Variants in DPP6 observed in about 807,000 individuals in gnomAD.
The protein encoded by DPP6 is A-type potassium channel modulatory protein DPP6.
A neutral mutation model predicts 122.6 loss-of-function variants in DPP6; 69 were observed. The ratio of observed to expected loss-of-function variants is 0.56; its 90% CI spans 0.46 to 0.69. DPP6 has a LOEUF of 0.69. Among genes scored for constraint, DPP6 ranks in the 30% least tolerant of loss-of-function variants. The pLI is 0.00. For missense variants in DPP6, 928 were observed against 1,116.9 expected, an observed-to-expected ratio of 0.83 and a Z score of 2.41; for synonymous variants, 418 against 433.1, an observed-to-expected ratio of 0.97 and a Z score of 0.43.
At chr7:154,198,319 A>T (rs201204124) in intron 1 of DPP6, among the ~76,000 whole-genome samples, 3 of 126,510 alleles carry the variant, frequency 2.4e-5, no homozygotes, top group African/African-American at 5.7e-5. Context: ...TTTTATTATT[A>T]TTTTTTTTTT....
chr7:154,063,603 A>AGGG (rs1420756629), intron 1 of DPP6, among the ~76,000 whole-genome samples: 1 of 33,150 alleles, frequency 3.0e-5, no homozygotes, highest in Non-Finnish European at 4.9e-5. Flanking sequence ...CATCGCAGTG[A>AGGG]GGGAGGCACC....
intron 1 of DPP6, among the ~76,000 whole-genome samples, chr7:154,364,959 T>C (rs1812030765): frequency 1.3e-5 from 2 of 152,228 alleles, no homozygotes. Context: ...TATTAGATTT[T>C]TGCCCCAGCA....
intron 21 of DPP6, chr7:154,883,814 C>G (rs962514513): frequency 2.3e-5 from 3 of 133,082 alleles, no homozygotes; most frequent in African/African-American, 8.6e-5. Context: ...CACACATGCT[C>G]ACACAATTAC....
chr7:154,226,952 G>A (rs191761244), intron 1 of DPP6, among the ~76,000 whole-genome samples: 4 of 152,236 alleles, frequency 2.6e-5, no homozygotes, highest in Admixed American at 1.3e-4. Flanking sequence ...ATAATAGATG[G>A]TAAAGTGAGC....
At chr7:153,888,122 C>T (rs891292831) in intron 1 of DPP6, among the ~76,000 whole-genome samples, 2 of 151,980 alleles carry the variant, frequency 1.3e-5, no homozygotes, top group Admixed American at 1.3e-4. Context: ...AGGGAAGGGC[C>T]ACTGGGCCCT....
chr7:154,227,230 A>ACACACACACACACC (rs1205135212), intron 1 of DPP6, among the ~76,000 whole-genome samples: 3 of 151,418 alleles, frequency 2.0e-5, no homozygotes, highest in African/African-American at 7.3e-5. Flanking sequence ...ACACACACAC[A>ACACACACACACACC]CCCCTAGGAA....
At chr7:154,864,099 A>C (rs997468366) in intron 17 of DPP6, among the ~76,000 whole-genome samples, 1 of 152,220 alleles carries the variant, frequency 6.6e-6, no homozygotes, top group Non-Finnish European at 1.5e-5. Context: ...AGTCAGGCCA[A>C]GGCAACAGGG....
At chr7:154,587,583 G>A in intron 5 of DPP6, 1 of 1,473,790 alleles carries the variant, frequency 6.8e-7, no homozygotes, top group Non-Finnish European at 9.0e-7. Context: ...CCCCAAAATA[G>A]CATCCTGGGA....
intron 1 of DPP6, among the ~76,000 whole-genome samples, chr7:153,910,241 T>G (rs12536032): frequency 1.1e-5 from 1 of 89,368 alleles, no homozygotes; most frequent in Admixed American, 1.2e-4. Context: ...TTTCTTTTTT[T>G]TTTTTTGAGA....
At position 154,566,823 on chromosome 7, in the gene DPP6, T is replaced by C. The variant is rs1303257385; in HGVS notation, c.553-19T>C. ...TTGTATGTAATGCTTTAAAATTCTT[T>C]GTCTATTTTTTCTTTTAGGAATCAT... On this transcript the variant is annotated intron_variant, in intron 4 of 25. Coordinates refer to ENST00000377770, the MANE Select transcript of DPP6 (RefSeq NM_130797.4). 1 of 1,400,754 alleles carries C rather than the reference T, an allele frequency of 7.1e-7. No individual in the cohort carries two copies. The highest frequency in any genetic ancestry group is 1.2e-5 in the South Asian group (1 of 81,840). The allele number at this position is 1,400,754 out of a possible 1,614,324, so 86.8% of individuals were successfully genotyped here.
intron 1 of DPP6, among the ~76,000 whole-genome samples, chr7:154,413,466 T>A: frequency 6.6e-6 from 1 of 152,032 alleles, no homozygotes; most frequent in East Asian, 1.9e-4. Context: ...TAATTTTTGT[T>A]CCATTTCACC....
chr7:153,931,611 A>G (rs779372189), intron 1 of DPP6, among the ~76,000 whole-genome samples: 17 of 152,332 alleles, frequency 1.1e-4, no homozygotes, highest in East Asian at 5.8e-4. Context: ...GATTCCGTGG[A>G]GGGCCTCCGA....
intron 5 of DPP6, among the ~76,000 whole-genome samples, chr7:154,628,639 A>G (rs1487364940): frequency 6.6e-6 from 1 of 151,996 alleles, no homozygotes; most frequent in Non-Finnish European, 1.5e-5. Flanking sequence ...ATTATTAGAG[A>G]TGAGCTCGTT....
chr7:154,391,904 C>A (rs1270199197), intron 1 of DPP6, among the ~76,000 whole-genome samples: 7 of 152,154 alleles, frequency 4.6e-5, no homozygotes, highest in African/African-American at 1.7e-4. Context: ...TGACAGTGGT[C>A]ATACTAGTAT....
chr7:153,855,634 T>C, the DPP6 span, among the ~76,000 whole-genome samples: 1 of 152,194 alleles, frequency 6.6e-6, no homozygotes. Context: ...CTTATTGATC[T>C]GGAACCAATA....
chr7:154,276,481 G>A (rs11764068), intron 1 of DPP6, among the ~76,000 whole-genome samples: 62,404 of 152,142 alleles, frequency 0.41, 14,832 homozygotes, highest in Middle Eastern at 0.53. Context: ...GGAAATTAGA[G>A]TATTATTCTG....
At chr7:154,728,021 T>G in intron 8 of DPP6, 134 bp downstream of exon 8, 1 of 1,426,516 alleles carries the variant, frequency 7.0e-7, no homozygotes, top group South Asian at 1.6e-5. Flanking sequence ...CTGCAAAATT[T>G]AAAAGATTTT....
intron 3 of DPP6, among the ~76,000 whole-genome samples, chr7:154,498,866 A>G (rs555414820): frequency 6.6e-6 from 1 of 152,302 alleles, no homozygotes; most frequent in South Asian, 2.1e-4. Flanking sequence ...ACATTCCCAA[A>G]TGTCCCCTGA....
the DPP6 span, among the ~76,000 whole-genome samples, chr7:153,780,622 G>A: frequency 1.1e-4 from 17 of 152,150 alleles, no homozygotes; most frequent in Non-Finnish European, 2.2e-4. Context: ...GATAAGTATT[G>A]TGATTGGCGA....
Sources: gnomAD v4.1 joint callset for allele counts (sites outside exome capture counted in the v4.1 genomes callset) on GRCh38, gnomAD v4.1.1 for gene constraint, MANE v1.5 for transcripts, NCBI Gene and HGNC (gene_info 2026-07-23, HGNC 2026-07-21) for gene names.